The following SLC24A1 variants were observed in gnomAD, a reference collection of about 807,000 sequenced individuals.
SLC24A1 encodes the protein solute carrier family 24 member 1.
Under a neutral mutation model 88.1 loss-of-function variants are expected in SLC24A1, and 52 were observed. The observed-to-expected ratio is 0.59, with a 90% CI of 0.47 to 0.74. The LOEUF is 0.74. Among genes scored for constraint, SLC24A1 ranks in the 30% least tolerant of loss-of-function variants. The pLI, the probability that SLC24A1 is intolerant of heterozygous loss-of-function variation, is 0.00. For synonymous variants in SLC24A1, 455 were observed against 498.0 expected, an observed-to-expected ratio of 0.91 and a Z score of 1.15; for missense variants, 1,173 against 1,363.3, an observed-to-expected ratio of 0.86 and a Z score of 2.20.
At chr15:65,644,765 G>A (rs1044456201) in intron 5 of SLC24A1, among the ~76,000 whole-genome samples, 7 of 152,158 alleles carry the variant, frequency 4.6e-5, no homozygotes, top group East Asian at 3.8e-4. Context: ...CTTCCTCTCC[G>A]TTTTCCACAG....
At chr15:65,641,710 G>C (rs1380884066) in intron 4 of SLC24A1, among the ~76,000 whole-genome samples, 1 of 152,202 alleles carries the variant, frequency 6.6e-6, no homozygotes, top group African/African-American at 2.4e-5. Context: ...AGGGCCCCAT[G>C]AGGAAAGCTG....
At position 65,655,991 on chromosome 15, in the gene SLC24A1, T is replaced by C; in HGVS notation, c.*1912T>C. ...TCTTAATTATCCTTATTCCTGATGC[T>C]ACTGCATTGCTGGGTTTCCATAGCC... On this transcript the variant is annotated 3_prime_UTR_variant, in exon 10 of 10. Coordinates refer to ENST00000261892, the MANE Select transcript of SLC24A1 (RefSeq NM_004727.3). 2.0e-6 allele frequency: 2 copies of C among 985,368 alleles called. No homozygotes were observed. The highest frequency in any genetic ancestry group is 3.5e-5 in the African/African-American group (2 of 57,346). The allele number at this position is 985,368 out of a possible 1,614,324, so 61.0% of individuals were successfully genotyped here.
intron 2 of SLC24A1, among the ~76,000 whole-genome samples, chr15:65,636,602 G>T (rs62014365): frequency 1.3e-5 from 2 of 151,836 alleles, no homozygotes; most frequent in South Asian, 4.1e-4. Flanking sequence ...AAGGCTGAGC[G>T]CAGTGGCTCA....
intron 6 of SLC24A1, among the ~76,000 whole-genome samples, chr15:65,647,571 G>T (rs915999594): frequency 2.6e-5 from 4 of 151,952 alleles, no homozygotes; most frequent in African/African-American, 7.2e-5. Context: ...CATCCAACTG[G>T]TTGTGGCTGG....
chr15:65,624,342 G>A lies in SLC24A1; in HGVS notation c.262G>A (p.Gly88Ser). The A allele has an allele frequency of 6.2e-7, 1 of 1,613,618 alleles. No individual in the cohort carries two copies. ...TTCAAAACCTAGCTCCGAAATGGGG[G>A]GTAAGATGCTGGTACCCCAAGCCTC... ...SPSKPSSEMG[G>S]KMLVPQASVG... Residue 88 changes from glycine to serine, a missense_variant, in exon 2 of 10, where the codon GGT becomes AGT. Transcript: ENST00000261892.
At chr15:65,623,621 A>G (rs2074395272) in intron 1 of SLC24A1, among the ~76,000 whole-genome samples, 1 of 152,178 alleles carries the variant, frequency 6.6e-6, no homozygotes, top group African/African-American at 2.4e-5. Flanking sequence ...CTGAGCTCCC[A>G]GGATCTTAGG....
At chr15:65,652,356 T>A (rs2075536909) in intron 8 of SLC24A1, 1 of 336,596 alleles carries the variant, frequency 3.0e-6, no homozygotes, top group African/African-American at 2.1e-5. Context: ...GGTAGGGGTG[T>A]TAAGAGTTGG....
intron 4 of SLC24A1, chr15:65,642,933 A>T: frequency 9.0e-7 from 1 of 1,108,212 alleles, no homozygotes; most frequent in Non-Finnish European, 1.2e-6. Context: ...ATTATGGACT[A>T]GATGATCTCC....
chr15:65,657,531 T>C (rs1367143389), downstream of SLC24A1, among the ~76,000 whole-genome samples: 1 of 152,046 alleles, frequency 6.6e-6, no homozygotes, highest in African/African-American at 2.4e-5. Context: ...TAGTCCCAGC[T>C]ACTCGGGAGG....
upstream of SLC24A1, among the ~76,000 whole-genome samples, chr15:65,617,079 C>G (rs2074169917): frequency 6.6e-6 from 1 of 152,146 alleles, no homozygotes; most frequent in African/African-American, 2.4e-5. Flanking sequence ...TTCCGTTGGT[C>G]TATATATCTG....
chr15:65,623,499 G>A (rs901992457), intron 1 of SLC24A1, among the ~76,000 whole-genome samples: 83 of 152,188 alleles, frequency 5.5e-4, no homozygotes, highest in African/African-American at 2.0e-3. Flanking sequence ...AATGTCCCTG[G>A]CAATGCCCTC....
intron 2 of SLC24A1, among the ~76,000 whole-genome samples, chr15:65,629,362 A>G (rs2074629548): frequency 6.6e-6 from 1 of 152,218 alleles, no homozygotes; most frequent in African/African-American, 2.4e-5. Flanking sequence ...TGACATAGAC[A>G]TATAGTAAGT....
At chr15:65,644,272 T>C in intron 4 of SLC24A1, 155 bp from the exon 5 acceptor site, 1 of 675,102 alleles carries the variant, frequency 1.5e-6, no homozygotes, top group South Asian at 1.6e-5. Context: ...CTAGGCCTCG[T>C]AGGATCAGAA....
At chr15:65,634,255 T>C (rs530903959) in intron 2 of SLC24A1, among the ~76,000 whole-genome samples, 1 of 152,244 alleles carries the variant, frequency 6.6e-6, no homozygotes, top group African/African-American at 2.4e-5. Context: ...AAATGTGTTA[T>C]GGATGGTTGA....
At chr15:65,622,635 G>T (rs1259778630) in intron 1 of SLC24A1, among the ~76,000 whole-genome samples, 1 of 152,132 alleles carries the variant, frequency 6.6e-6, no homozygotes, top group African/African-American at 2.4e-5. Context: ...TAGTTACTTG[G>T]GCTGGGCCTC....
chr15:65,636,212 T>C (rs929597320), intron 2 of SLC24A1, among the ~76,000 whole-genome samples: 1 of 152,198 alleles, frequency 6.6e-6, no homozygotes, highest in African/African-American at 2.4e-5. Flanking sequence ...CCCATCACTT[T>C]GTGGAGGTGA....
intron 1 of SLC24A1, among the ~76,000 whole-genome samples, chr15:65,623,677 G>A (rs2074397309): frequency 6.6e-6 from 1 of 152,146 alleles, no homozygotes; most frequent in Non-Finnish European, 1.5e-5. Context: ...AGAGCCCAGG[G>A]AGGACTTGGT....
At chr15:65,641,428 T>A (rs1242959201) in intron 4 of SLC24A1, among the ~76,000 whole-genome samples, 1 of 151,292 alleles carries the variant, frequency 6.6e-6, no homozygotes, top group Non-Finnish European at 1.5e-5. Flanking sequence ...CAAAGACAAG[T>A]GATGAAACCT....
rs140766380 is a variant in SLC24A1, at chr15:65,654,845, G to A, written c.*766G>A. On this transcript the variant is annotated 3_prime_UTR_variant, in exon 10 of 10. Transcript: ENST00000261892. Reference sequence around the variant, plus strand: ...CTCAGCCTGAAGTCGTGATCTGCCCGCCTCGGCCTCCCAAAGTGCTGGGAT... The same window carrying A: ...CTCAGCCTGAAGTCGTGATCTGCCCACCTCGGCCTCCCAAAGTGCTGGGAT... 0.041 allele frequency: 43,812 copies of A among 1,070,260 alleles called. 1,029 individuals are homozygous for A. Among genetic ancestry groups the A allele is most frequent in the South Asian group, 0.055 (3,470 of 63,350 alleles). 66.3% of individuals were successfully genotyped at this position (1,070,260 alleles called of 1,614,324 possible). A position where few individuals can be genotyped will look rare whatever the true frequency, so the allele number is the denominator to read the frequency against.
Sources: allele counts gnomAD v4.1 joint callset (sites outside exome capture counted in the v4.1 genomes callset), GRCh38; gene constraint gnomAD v4.1.1; transcripts MANE v1.5; gene names NCBI Gene and HGNC (gene_info 2026-07-23, HGNC 2026-07-21).